HIF1AN: variants seen among roughly 807,000 people sequenced by gnomAD.
HIF1AN encodes hypoxia-inducible factor 1-alpha inhibitor.
HIF1AN carries 21 observed loss-of-function variants against 47.7 expected under a neutral mutation model. That is an observed-to-expected ratio of 0.44 (90% CI 0.31 to 0.63). HIF1AN has a LOEUF of 0.63. HIF1AN is among the 30% of genes least tolerant of loss of function. The probability of loss-of-function intolerance (pLI) is 0.07; values close to 1 mark genes in which losing one functional copy is unlikely to be tolerated. For missense variants in HIF1AN, 320 were observed against 432.7 expected (o/e 0.74, Z 2.31); for synonymous variants, 152 against 155.9 (o/e 0.98, Z 0.18).
At position 100,548,343 on chromosome 10, in the gene HIF1AN, C is replaced by G; in HGVS notation, c.*206C>G. 1 of 497,284 alleles carries G rather than the reference C, an allele frequency of 2.0e-6. No individual in the cohort carries two copies. The allele number at this position is 497,284 out of a possible 1,614,324, so 30.8% of individuals were successfully genotyped here. On this transcript the variant is annotated 3_prime_UTR_variant, in exon 8 of 8. Transcript: ENST00000299163. ...TTGGAGGGACTTCATACCCTTGCCT[C>G]TTGTGCCCCAGCACCTTCTCTCTCT...
At chr10:100,540,410 G>C (rs1317001763) in intron 2 of HIF1AN, among the ~76,000 whole-genome samples, 1 of 152,008 alleles carries the variant, frequency 6.6e-6, no homozygotes, top group East Asian at 1.9e-4. Context: ...ACAAAACAAA[G>C]AAAAACCAGT....
rs146022280 is a variant in HIF1AN at position 100,556,249 on chromosome 10, A to C, written c.*8112A>C. The C allele has an allele frequency of 2.0e-5, 3 of 152,342 alleles. No homozygotes were observed. The East Asian group carries it at 5.8e-4, about 29-fold the overall frequency. 9.4% of individuals were successfully genotyped at this position (152,342 alleles called of 1,614,324 possible). A position where few individuals can be genotyped will look rare whatever the true frequency, so the allele number is the denominator to read the frequency against. On this transcript the variant is annotated 3_prime_UTR_variant, in exon 8 of 8. Coordinates refer to ENST00000299163, the MANE Select transcript of HIF1AN (RefSeq NM_017902.3). ...GATGCTTACAAGGATACTATCACCT[A>C]TGCCATCAGTGGGGAATGACCTTCC...
chr10:100,553,781 A>G lies in HIF1AN; in HGVS notation c.*5644A>G, dbSNP rs1564666511. On this transcript the variant is annotated 3_prime_UTR_variant, in exon 8 of 8. Coordinates refer to ENST00000299163, the MANE Select transcript of HIF1AN (RefSeq NM_017902.3). ...AACCTCTCTGAGCCTCAGTTTCCTC[A>G]ACTATAATAACATGGGTGGAGGGAG... 1 of 152,232 alleles carries G rather than the reference A, an allele frequency of 6.6e-6. No homozygotes were observed. The highest frequency in any genetic ancestry group is 1.5e-5 in the Non-Finnish European group (1 of 68,060). The allele number at this position is 152,232 out of a possible 1,614,324, so 9.4% of individuals were successfully genotyped here.
In HIF1AN at chr10:100,549,272, T is replaced by A. The variant is rs1843131358; in HGVS notation, c.*1135T>A. ...GGTCTCACTGCAGCCTGCCCGAGGCTAACTGGCTAGAGCCTCCAGGCCCTA... is the reference window on the plus strand; with the variant it reads ...GGTCTCACTGCAGCCTGCCCGAGGCAAACTGGCTAGAGCCTCCAGGCCCTA... On this transcript the variant is annotated 3_prime_UTR_variant, in exon 8 of 8. Coordinates refer to ENST00000299163, the MANE Select transcript of HIF1AN (RefSeq NM_017902.3). 6.6e-6 allele frequency: 1 copy of A among 152,240 alleles called. No individual in the cohort carries two copies. The highest frequency in any genetic ancestry group is 1.5e-5 in the Non-Finnish European group (1 of 68,086). 9.4% of individuals were successfully genotyped at this position (152,240 alleles called of 1,614,324 possible).
intron 5 of HIF1AN, 51 bp downstream of exon 5, chr10:100,546,100 C>G (rs766436836): frequency 1.7e-6 from 2 of 1,197,562 alleles, no homozygotes; most frequent in Non-Finnish European, 2.5e-6. Flanking sequence ...CTTTTCCATT[C>G]CCTGGAAAGC....
rs902237626 is a variant in HIF1AN at position 100,549,351 on chromosome 10, A to T, written c.*1214A>T. ...TATTCCTGCTGAGCTTCCTGGCTGAATAGATGAAATGGGGTCAAGCCCAGG... is the reference window on the plus strand; with the variant it reads ...TATTCCTGCTGAGCTTCCTGGCTGATTAGATGAAATGGGGTCAAGCCCAGG... On this transcript the variant is annotated 3_prime_UTR_variant, in exon 8 of 8. Transcript: ENST00000299163. The T allele has an allele frequency of 6.6e-6, 1 of 152,204 alleles. No homozygotes were observed. The highest frequency in any genetic ancestry group is 2.4e-5 in the African/African-American group (1 of 41,410). 9.4% of individuals were successfully genotyped at this position (152,204 alleles called of 1,614,324 possible).
chr10:100,547,026 C>T (rs1682192705), intron 6 of HIF1AN, 114 bp from the exon 7 acceptor site: 1 of 753,366 alleles, frequency 1.3e-6, no homozygotes, highest in African/African-American at 1.7e-5. Flanking sequence ...AGGCCTGAGT[C>T]ACCGTGCCCG....
In HIF1AN at chr10:100,553,353, G is replaced by C. The variant is rs1843184125; in HGVS notation, c.*5216G>C. Reference sequence around the variant, plus strand: ...TCCTAATTTCTCTGAGGTGTCTTTGGCTCTGTGTCACCAAATGTGCCTGAC... The same window carrying C: ...TCCTAATTTCTCTGAGGTGTCTTTGCCTCTGTGTCACCAAATGTGCCTGAC... On this transcript the variant is annotated 3_prime_UTR_variant, in exon 8 of 8. Coordinates refer to ENST00000299163, the MANE Select transcript of HIF1AN (RefSeq NM_017902.3). 1 of 152,242 alleles carries C rather than the reference G, an allele frequency of 6.6e-6. No individual in the cohort carries two copies. The highest frequency in any genetic ancestry group is 1.5e-5 in the Non-Finnish European group (1 of 68,086). 9.4% of individuals were successfully genotyped at this position (152,242 alleles called of 1,614,324 possible).
rs186875047 is a variant in HIF1AN, at chr10:100,553,939, C to G, written c.*5802C>G. 4.6e-5 allele frequency: 7 copies of G among 152,264 alleles called. No individual in the cohort carries two copies. The highest frequency in any genetic ancestry group is 3.3e-4 in the Admixed American group (5 of 15,300). The allele number at this position is 152,264 out of a possible 1,614,324, so 9.4% of individuals were successfully genotyped here. On this transcript the variant is annotated 3_prime_UTR_variant, in exon 8 of 8. Coordinates refer to ENST00000299163, the MANE Select transcript of HIF1AN (RefSeq NM_017902.3). ...GGTTATATTTATTATGTGATTTATT[C>G]AGAAACTTGGTTTCAGTGATCTCTA...
intron 2 of HIF1AN, among the ~76,000 whole-genome samples, chr10:100,536,880 AG>A (rs1852230304): frequency 6.6e-6 from 1 of 152,104 alleles, no homozygotes; most frequent in Non-Finnish European, 1.5e-5. Context: ...TTGAGGGATG[AG>A]GGAATGATTA....
chr10:100,543,377 A>G lies in HIF1AN; in HGVS notation c.578-1574A>G, dbSNP rs114658689. Among the ~76,000 whole-genome samples, 1,037 of 152,138 alleles carry G rather than the reference A, an allele frequency of 6.8e-3. 12 individuals carry two copies. Among genetic ancestry groups the G allele is most frequent in the African/African-American group, 0.023 (967 of 41,504 alleles). ...GCTAATTTTTAAAGTATTTTTCTGTAGAGATGGGGGTCTCCCTATGTTGCC... is the reference window on the plus strand; with the variant it reads ...GCTAATTTTTAAAGTATTTTTCTGTGGAGATGGGGGTCTCCCTATGTTGCC... On this transcript the variant is annotated intron_variant, in intron 3 of 7. Transcript: ENST00000299163.
At chr10:100,536,717 T>C in intron 2 of HIF1AN, 56 bp downstream of exon 2, 2 of 1,591,758 alleles carry the variant, frequency 1.3e-6, no homozygotes, top group Non-Finnish European at 1.7e-6. Flanking sequence ...TTTTCTTTCC[T>C]ATACTTGTTT....
In HIF1AN at chr10:100,539,943, G is replaced by A. The variant is rs573825782; in HGVS notation, c.429-691G>A. ...TAGGCTTCTAGGAGTCTGAAATTGT[G>A]TGAAAGTTCTGGGTGTATGTGCATT... is the stretch of plus-strand genomic sequence containing the variant. On this transcript the variant is annotated intron_variant, in intron 2 of 7. Transcript: ENST00000299163. Among the ~76,000 whole-genome samples the A allele has an allele frequency of 3.3e-5, 5 of 152,274 alleles. No homozygotes were observed. The East Asian group carries it at 9.6e-4, about 29-fold the overall frequency.
In HIF1AN at chr10:100,558,718, CAGTCT is replaced by C. The variant is rs1843234328; in HGVS notation, c.*10586_*10590del. On this transcript the variant is annotated 3_prime_UTR_variant, in exon 8 of 8. Coordinates refer to ENST00000299163, the MANE Select transcript of HIF1AN (RefSeq NM_017902.3). ...AAATAGCACTTTCTGGGTCCTTTCA[CAGTCT>C]AGTCAGTGGCCCAACCAACATATCT... is the stretch of plus-strand genomic sequence containing the variant. 1 of 152,222 alleles carries C rather than the reference CAGTCT, an allele frequency of 6.6e-6. No homozygotes were observed. The highest frequency in any genetic ancestry group is 2.4e-5 in the African/African-American group (1 of 41,458). The allele number at this position is 152,222 out of a possible 1,614,324, so 9.4% of individuals were successfully genotyped here.
chr10:100,545,674 A>G (rs1843086352), intron 4 of HIF1AN, among the ~76,000 whole-genome samples: 1 of 152,222 alleles, frequency 6.6e-6, no homozygotes, highest in African/African-American at 2.4e-5. Context: ...TCATATCCTC[A>G]GCTGTGGAGT....
rs1210411078 is a variant in HIF1AN, at chr10:100,557,341, TTAA to T, written c.*9210_*9212del. 3 of 152,178 alleles carry T rather than the reference TTAA, an allele frequency of 2.0e-5. No homozygotes were observed. The highest frequency in any genetic ancestry group is 7.2e-5 in the African/African-American group (3 of 41,420). The allele number at this position is 152,178 out of a possible 1,614,324, so 9.4% of individuals were successfully genotyped here. On this transcript the variant is annotated 3_prime_UTR_variant, in exon 8 of 8. Transcript: ENST00000299163. ...CGGTCCCCTCATTTAAAAAAATTGG[TTAA>T]TAATATGATGACCTGCCAATGTGTG...
chr10:100,540,127 G>C (rs568760726), intron 2 of HIF1AN, among the ~76,000 whole-genome samples: 6 of 151,456 alleles, frequency 4.0e-5, no homozygotes, highest in African/African-American at 1.5e-4. Context: ...TCCTGCCTCA[G>C]CCTCCTGAGT....
chr10:100,546,241 C>G (rs1471746520), intron 5 of HIF1AN, among the ~76,000 whole-genome samples, 192 bp downstream of exon 5: 1 of 152,006 alleles, frequency 6.6e-6, no homozygotes, highest in Non-Finnish European at 1.5e-5. Context: ...GTCTCTAGGA[C>G]AGGATGACGG....
rs1843121832 is a variant in HIF1AN at position 100,548,792 on chromosome 10, GT to G, written c.*657del. ...TTCCTGTGAGAGAGGATTAGATAGG[GT>G]TCCAACTGGGCCTACAAGCTCAAGC... On this transcript the variant is annotated 3_prime_UTR_variant, in exon 8 of 8. Coordinates refer to ENST00000299163, the MANE Select transcript of HIF1AN (RefSeq NM_017902.3). 1 of 152,606 alleles carries G rather than the reference GT, an allele frequency of 6.6e-6. No individual in the cohort carries two copies. The allele number at this position is 152,606 out of a possible 1,614,324, so 9.5% of individuals were successfully genotyped here.
Sources: gnomAD v4.1 joint callset for allele counts (sites outside exome capture counted in the v4.1 genomes callset) on GRCh38, gnomAD v4.1.1 for gene constraint, MANE v1.5 for transcripts, NCBI Gene and HGNC (gene_info 2026-07-23, HGNC 2026-07-21) for gene names.